ITGA8: variants seen among roughly 807,000 people sequenced by gnomAD.
ITGA8 encodes the protein integrin alpha-8.
A neutral mutation model predicts 142.3 loss-of-function variants in ITGA8; 91 were observed. The observed-to-expected ratio is 0.64, with a 90% CI of 0.54 to 0.76. ITGA8 has a LOEUF of 0.76. ITGA8 is among the 30% of genes least tolerant of loss of function. The pLI, the probability that ITGA8 is intolerant of heterozygous loss-of-function variation, is 0.00. For synonymous variants in ITGA8, 505 were observed against 485.2 expected (o/e 1.04, Z -0.54); for missense variants, 1,406 against 1,327.7 (o/e 1.06, Z -0.92).
intron 13 of ITGA8, among the ~76,000 whole-genome samples, chr10:15,619,916 A>G (rs1224583213): frequency 6.6e-6 from 1 of 152,246 alleles, no homozygotes; most frequent in South Asian, 2.1e-4. Flanking sequence ...CTTGGCCCCA[A>G]ATAAGGTGAA....
rs534844712 is a variant in ITGA8, at chr10:15,673,334, C to T, written c.677-585G>A. On this transcript the variant is annotated intron_variant, in intron 6 of 29. Transcript: ENST00000378076. ...TCCTGACTTCGTGATCTGCTTGCCT[C>T]GGCCTCCCAAAGTGCTGGGATTACA... Among the ~76,000 whole-genome samples the T allele has an allele frequency of 3.9e-5, 6 of 152,198 alleles. No individual in the cohort carries two copies. The East Asian group carries it at 5.8e-4, about 15-fold the overall frequency.
chr10:15,538,269 T>A (rs1253395064), intron 27 of ITGA8, among the ~76,000 whole-genome samples: 1 of 152,142 alleles, frequency 6.6e-6, no homozygotes, highest in African/African-American at 2.4e-5. Flanking sequence ...TCCTAACACT[T>A]TGGGAGGCCA....
intron 20 of ITGA8, among the ~76,000 whole-genome samples, chr10:15,601,769 C>G (rs116027906): frequency 0.014 from 2,143 of 152,172 alleles, 60 homozygotes; most frequent in African/African-American, 0.048. Context: ...TTCAACAAAA[C>G]AATAGCCAAC....
intron 28 of ITGA8, among the ~76,000 whole-genome samples, chr10:15,521,891 G>C (rs1355232969): frequency 1.3e-5 from 2 of 152,200 alleles, no homozygotes; most frequent in African/African-American, 4.8e-5. Flanking sequence ...ATAAGTGGGA[G>C]CTAAACAAGT....
At chr10:15,673,482 G>T (rs1167949854) in intron 6 of ITGA8, among the ~76,000 whole-genome samples, 2 of 152,188 alleles carry the variant, frequency 1.3e-5, no homozygotes, top group Non-Finnish European at 2.9e-5. Context: ...GAAGCCCAAA[G>T]AGCTACAGTG....
At chr10:15,622,415 A>T (rs997347639) in intron 13 of ITGA8, among the ~76,000 whole-genome samples, 12 of 152,196 alleles carry the variant, frequency 7.9e-5, no homozygotes, top group Non-Finnish European at 1.5e-4. Context: ...GACAATGAGA[A>T]TGGCCACCAG....
At position 15,625,876 on chromosome 10, in the gene ITGA8, G is replaced by C. The variant is rs542946909; in HGVS notation, c.1400-9317C>G. ...CCAAATCATTTTCTTTTCTAGCAAA[G>C]AGCAGCCTATAAAATCGAGCTGCAG... On this transcript the variant is annotated intron_variant, in intron 13 of 29. Transcript: ENST00000378076. Among the ~76,000 whole-genome samples, 5 of 152,260 alleles carry C rather than the reference G, an allele frequency of 3.3e-5. No individual in the cohort carries two copies. The East Asian group carries it at 9.7e-4, about 29-fold the overall frequency.
At chr10:15,618,125 C>T (rs1462244155) in intron 13 of ITGA8, among the ~76,000 whole-genome samples, 2 of 152,124 alleles carry the variant, frequency 1.3e-5, no homozygotes, top group South Asian at 2.1e-4. Context: ...CTCACGGAGT[C>T]CAGTGTTCAA....
chr10:15,669,129 T>C (rs374305760), intron 8 of ITGA8, among the ~76,000 whole-genome samples: 1 of 152,226 alleles, frequency 6.6e-6, no homozygotes, highest in African/African-American at 2.4e-5. Flanking sequence ...AACTTGGTTC[T>C]ATTCTCCCTG....
chr10:15,572,881 T>C (rs1240412578), intron 24 of ITGA8, among the ~76,000 whole-genome samples: 1 of 152,124 alleles, frequency 6.6e-6, no homozygotes, highest in African/African-American at 2.4e-5. Context: ...GAGTGCGTGT[T>C]TCAAAGCTGA....
chr10:15,613,710 A>T lies in ITGA8; in HGVS notation c.1503T>A (p.Asn501Lys), dbSNP rs1220629806. The T allele has an allele frequency of 8.7e-6, 14 of 1,614,150 alleles. No homozygotes were observed. Among genetic ancestry groups the T allele is most frequent in the Non-Finnish European group, 1.2e-5 (14 of 1,179,980 alleles). ...GAACCTGGCAAGTTTTATTTTCAAG[A>T]TTGATAATCATTGGGTGCAGCAGAA... ...AQLLLHPMII[N>K]LENKTCQVPD... Residue 501 changes from asparagine to lysine, a missense_variant, in exon 15 of 30, where the codon AAT (asparagine) becomes AAA (lysine). Asn to Lys is a moderately conservative substitution (Grantham distance 94). Transcript: ENST00000378076.
chr10:15,604,485 G>A (rs917497707), intron 19 of ITGA8, 130 bp from the exon 20 acceptor site: 3 of 560,924 alleles, frequency 5.3e-6, no homozygotes, highest in Admixed American at 7.7e-5. Flanking sequence ...CCATCATGAA[G>A]AGATGGTAGG....
intron 27 of ITGA8, among the ~76,000 whole-genome samples, chr10:15,547,398 C>A (rs1398209134): frequency 6.6e-6 from 1 of 152,158 alleles, no homozygotes; most frequent in Non-Finnish European, 1.5e-5. Context: ...GTGGCAAAAC[C>A]CCATCTCTAC....
At chr10:15,551,749 G>T (rs1013073973) in intron 26 of ITGA8, among the ~76,000 whole-genome samples, 1 of 152,160 alleles carries the variant, frequency 6.6e-6, no homozygotes, top group African/African-American at 2.4e-5. Context: ...AAAAACGTAG[G>T]AGGTCTTATT....
intron 29 of ITGA8, among the ~76,000 whole-genome samples, chr10:15,517,777 C>A (rs1832990533): frequency 6.6e-6 from 1 of 152,228 alleles, no homozygotes; most frequent in South Asian, 2.1e-4. Context: ...CACCCTTTCT[C>A]CTGTCCTGTA....
At chr10:15,565,940 GAGAC>G (rs999095288) in intron 25 of ITGA8, among the ~76,000 whole-genome samples, 9 of 151,998 alleles carry the variant, frequency 5.9e-5, no homozygotes, top group African/African-American at 2.2e-4. Flanking sequence ...GCGTGAGTGA[GAGAC>G]AGAGGGAAAG....
rs760899121 is a variant in ITGA8, at chr10:15,604,179, C to T, written c.2118+29G>A. On this transcript the variant is annotated intron_variant, in intron 20 of 29. Transcript: ENST00000378076. The stretch of plus-strand genomic sequence containing the variant: ...CTTGACTTCAAAAATATACCTAGCT[C>T]TTGACTTCAAACAATTTGCAGGCAT... 6.3e-6 allele frequency: 10 copies of T among 1,595,842 alleles called. No homozygotes were observed. In the East Asian group the frequency reaches 2.2e-4, roughly 36 times the overall value.
At chr10:15,554,490 T>A (rs1387465963) in intron 26 of ITGA8, among the ~76,000 whole-genome samples, 1 of 107,286 alleles carries the variant, frequency 9.3e-6, no homozygotes, top group South Asian at 2.7e-4. Flanking sequence ...CCTTGCATCA[T>A]CCTTCCTGAG....
chr10:15,625,351 A>G (rs1032545887), intron 13 of ITGA8, among the ~76,000 whole-genome samples: 4 of 152,204 alleles, frequency 2.6e-5, no homozygotes, highest in Non-Finnish European at 5.9e-5. Flanking sequence ...TTCCACCTTC[A>G]ACTGTTTGAT....
Sources: allele counts gnomAD v4.1 joint callset (sites outside exome capture counted in the v4.1 genomes callset), GRCh38; gene constraint gnomAD v4.1.1; transcripts MANE v1.5; gene names NCBI Gene and HGNC (gene_info 2026-07-23, HGNC 2026-07-21).